STK32B: variants seen among roughly 807,000 people sequenced by gnomAD.
STK32B encodes serine/threonine kinase 32B, also known as serine/threonine-protein kinase 32B.
A neutral mutation model predicts 52.6 loss-of-function variants in STK32B; 43 were observed. The observed-to-expected ratio is 0.82, with a 90% CI of 0.64 to 1.05. STK32B has a LOEUF of 1.05. Ranked by LOEUF, STK32B falls within the 50% of genes least tolerant of loss-of-function variation. The pLI is 0.00. For synonymous variants in STK32B, 238 were observed against 204.3 expected (o/e 1.17, Z -1.41); for missense variants, 621 against 534.6 (o/e 1.16, Z -1.59).
chr4:5,350,437 G>A (rs552523856), intron 4 of STK32B, among the ~76,000 whole-genome samples: 6 of 152,046 alleles, frequency 3.9e-5, no homozygotes, highest in Admixed American at 3.3e-4. Flanking sequence ...GGGAGTGAAA[G>A]AATGATAACT....
chr4:5,260,243 C>A (rs1726620246), intron 3 of STK32B, among the ~76,000 whole-genome samples: 1 of 152,110 alleles, frequency 6.6e-6, no homozygotes, highest in Non-Finnish European at 1.5e-5. Flanking sequence ...TTAGCAACAC[C>A]CTTAACAAAT....
chr4:5,480,971 C>G (rs751494516), intron 11 of STK32B, among the ~76,000 whole-genome samples: 12 of 152,196 alleles, frequency 7.9e-5, no homozygotes, highest in Admixed American at 3.3e-4. Context: ...TTCCTTTAAT[C>G]CAGTCTATCA....
chr4:5,415,041 A>T (rs1267629287), intron 5 of STK32B, among the ~76,000 whole-genome samples: 1 of 152,196 alleles, frequency 6.6e-6, no homozygotes, highest in Non-Finnish European at 1.5e-5. Flanking sequence ...ACTCACCTTC[A>T]CATGCCTCAA....
At chr4:5,031,435 ATAAAAAAACAAAACTTAGC>A in the STK32B span, among the ~76,000 whole-genome samples, 1 of 152,058 alleles carries the variant, frequency 6.6e-6, no homozygotes, top group Admixed American at 6.6e-5. Flanking sequence ...CATCTCTGGT[ATAAAAAAACAAAACTTAGC>A]TGGGTATGGT....
rs1020580718 is a variant in STK32B at position 5,051,687 on chromosome 4, C to G, written c.-177C>G. ...CTGCGAGCGCAGTCGGAAGGGCGTC[C>G]AGGAGAAGGGGGACGCCGTCCCCGC... is the stretch of plus-strand genomic sequence containing the variant. On this transcript the variant is annotated 5_prime_UTR_variant, in exon 1 of 12. Coordinates refer to ENST00000282908, the MANE Select transcript of STK32B (RefSeq NM_018401.3). 7.0e-5 allele frequency: 50 copies of G among 716,372 alleles called. No homozygotes were observed. Among genetic ancestry groups the G allele is most frequent in the Non-Finnish European group, 9.6e-5 (44 of 460,576 alleles). 44.4% of individuals were successfully genotyped at this position (716,372 alleles called of 1,614,324 possible).
intron 1 of STK32B, among the ~76,000 whole-genome samples, chr4:5,137,678 T>G (rs1038440441): frequency 2.6e-5 from 4 of 152,186 alleles, no homozygotes; most frequent in Admixed American, 2.0e-4. Context: ...TGAATAGAGC[T>G]GTATTGTGGA....
At chr4:5,201,277 C>T (rs1386495520) in intron 3 of STK32B, among the ~76,000 whole-genome samples, 1 of 152,148 alleles carries the variant, frequency 6.6e-6, no homozygotes, top group Non-Finnish European at 1.5e-5. Flanking sequence ...GTCCTTGTCC[C>T]TTCTCCTGTT....
At chr4:5,185,464 A>G (rs1331434873) in intron 3 of STK32B, among the ~76,000 whole-genome samples, 1 of 152,226 alleles carries the variant, frequency 6.6e-6, no homozygotes, top group African/African-American at 2.4e-5. Flanking sequence ...AAGTGTTGAG[A>G]GCTTTGATTA....
intron 4 of STK32B, among the ~76,000 whole-genome samples, chr4:5,382,715 A>C (rs971054444): frequency 6.6e-6 from 1 of 152,170 alleles, no homozygotes; most frequent in Non-Finnish European, 1.5e-5. Flanking sequence ...TTGGAAATTG[A>C]TCATGTTTAA....
At chr4:5,190,152 A>G (rs1721064644) in intron 3 of STK32B, among the ~76,000 whole-genome samples, 1 of 152,186 alleles carries the variant, frequency 6.6e-6, no homozygotes, top group Non-Finnish European at 1.5e-5. Context: ...GCTAGCCTGT[A>G]CATTGACTAA....
chr4:5,426,513 T>C (rs1260045989), intron 6 of STK32B, among the ~76,000 whole-genome samples: 1 of 151,908 alleles, frequency 6.6e-6, no homozygotes, highest in Non-Finnish European at 1.5e-5. Flanking sequence ...AAGACCAGCC[T>C]GGCCAACATG....
intron 4 of STK32B, among the ~76,000 whole-genome samples, chr4:5,343,857 A>G (rs963755784): frequency 6.6e-6 from 1 of 152,254 alleles, no homozygotes; most frequent in Admixed American, 6.5e-5. Flanking sequence ...AAAGTAGCCT[A>G]TCACAAGCAT....
chr4:5,070,307 G>A (rs1711680312), intron 1 of STK32B, among the ~76,000 whole-genome samples: 1 of 152,148 alleles, frequency 6.6e-6, no homozygotes. Flanking sequence ...TGTTGTTGCT[G>A]CTGATGTGGA....
chr4:5,480,172 G>A (rs891348955), intron 11 of STK32B, among the ~76,000 whole-genome samples: 3 of 152,108 alleles, frequency 2.0e-5, no homozygotes, highest in African/African-American at 7.2e-5. Context: ...TAAGTATTGT[G>A]TCAGACATTA....
intron 8 of STK32B, among the ~76,000 whole-genome samples, chr4:5,457,524 G>T (rs1451024087): frequency 6.6e-6 from 1 of 151,126 alleles, no homozygotes; most frequent in Admixed American, 6.6e-5. Flanking sequence ...CTGCATGTGG[G>T]TTTTTTAAAT....
At chr4:5,115,951 C>A (rs957250957) in intron 1 of STK32B, among the ~76,000 whole-genome samples, 45 of 152,122 alleles carry the variant, frequency 3.0e-4, no homozygotes, top group African/African-American at 1.1e-3. Context: ...CAAAACCTCA[C>A]CAGGTTTTTG....
chr4:5,439,895 T>C (rs1262770530), intron 6 of STK32B, among the ~76,000 whole-genome samples: 1 of 152,152 alleles, frequency 6.6e-6, no homozygotes, highest in Non-Finnish European at 1.5e-5. Flanking sequence ...CTCAGGTTTG[T>C]CAAAGATCAG....
At chr4:5,302,516 T>A (rs931292033) in intron 3 of STK32B, among the ~76,000 whole-genome samples, 1 of 152,118 alleles carries the variant, frequency 6.6e-6, no homozygotes, top group Non-Finnish European at 1.5e-5. Flanking sequence ...GTACCAAAAT[T>A]TATTTTTCCC....
At chr4:5,417,670 G>T (rs195101) in intron 6 of STK32B, among the ~76,000 whole-genome samples, 123,654 of 151,964 alleles carry the variant, frequency 0.81, 50,522 homozygotes, top group Middle Eastern at 0.91. Flanking sequence ...TTGTTTTTCA[G>T]GTCTTATATA....
Sources: gnomAD v4.1 joint callset for allele counts (sites outside exome capture counted in the v4.1 genomes callset) on GRCh38, gnomAD v4.1.1 for gene constraint, MANE v1.5 for transcripts, NCBI Gene and HGNC (gene_info 2026-07-23, HGNC 2026-07-21) for gene names.